ADAM18: variants seen among roughly 807,000 people sequenced by gnomAD.
ADAM18 encodes disintegrin and metalloproteinase domain-containing protein 18.
Under a neutral mutation model 94.4 loss-of-function variants are expected in ADAM18, and 117 were observed. That is an observed-to-expected ratio of 1.24 (90% CI 1.07 to 1.45). The LOEUF is 1.45. ADAM18 is among the 40% of genes most tolerant of loss of function. The probability of loss-of-function intolerance (pLI) is 0.00; values close to 1 mark genes in which losing one functional copy is unlikely to be tolerated. For missense variants in ADAM18, 936 were observed against 880.0 expected, an observed-to-expected ratio of 1.06 and a Z score of -0.81; for synonymous variants, 327 against 291.6, an observed-to-expected ratio of 1.12 and a Z score of -1.24.
intron 1 of ADAM18, 65 bp downstream of exon 1, chr8:39,584,742 G>A (rs1818346717): frequency 6.4e-7 from 1 of 1,563,000 alleles, no homozygotes; most frequent in African/African-American, 1.4e-5. Context: ...CTTACTGGGA[G>A]CAGTTTCTTG....
At chr8:39,618,086 A>G (rs1257945817) in intron 6 of ADAM18, among the ~76,000 whole-genome samples, 1 of 152,254 alleles carries the variant, frequency 6.6e-6, no homozygotes, top group East Asian at 1.9e-4. Context: ...ATAGACTGAA[A>G]GTAAATGGAT....
At chr8:39,597,028 A>G (rs1204871800) in intron 2 of ADAM18, among the ~76,000 whole-genome samples, 1 of 152,142 alleles carries the variant, frequency 6.6e-6, no homozygotes, top group Non-Finnish European at 1.5e-5. Context: ...CTCCCTGACT[A>G]TCAGGTCTCA....
intron 17 of ADAM18, among the ~76,000 whole-genome samples, chr8:39,703,467 C>G (rs916074404): frequency 2.0e-5 from 3 of 151,932 alleles, no homozygotes; most frequent in African/African-American, 7.3e-5. Flanking sequence ...ATTTTAATGC[C>G]TTTATTTCTT....
At chr8:39,640,137 G>A (rs1043232013) in intron 10 of ADAM18, among the ~76,000 whole-genome samples, 3 of 151,858 alleles carry the variant, frequency 2.0e-5, no homozygotes, top group African/African-American at 7.3e-5. Flanking sequence ...TAGATATTAA[G>A]CCCAACATCC....
intron 6 of ADAM18, among the ~76,000 whole-genome samples, chr8:39,621,426 A>G (rs1250817635): frequency 6.6e-6 from 1 of 151,872 alleles, no homozygotes; most frequent in Non-Finnish European, 1.5e-5. Context: ...TGAATGACAC[A>G]TGAGTTCCCT....
intron 14 of ADAM18, among the ~76,000 whole-genome samples, chr8:39,672,548 T>G (rs1204545016): frequency 6.6e-6 from 1 of 152,090 alleles, no homozygotes; most frequent in Non-Finnish European, 1.5e-5. Context: ...TTAAAGGAAA[T>G]GTATAAAAAT....
intron 14 of ADAM18, among the ~76,000 whole-genome samples, chr8:39,669,426 T>C (rs948132921): frequency 3.1e-4 from 47 of 150,636 alleles, no homozygotes; most frequent in Admixed American, 1.3e-4. Context: ...AACTCGTCAT[T>C]TAGCATTAGG....
intron 6 of ADAM18, among the ~76,000 whole-genome samples, chr8:39,626,752 C>T (rs981090696): frequency 5.9e-5 from 9 of 152,068 alleles, no homozygotes; most frequent in Admixed American, 6.6e-5. Context: ...TTTTACTCCA[C>T]TGTGTCTGAG....
intron 10 of ADAM18, among the ~76,000 whole-genome samples, chr8:39,639,997 T>C (rs1820191696): frequency 1.3e-5 from 2 of 152,124 alleles, no homozygotes; most frequent in African/African-American, 4.8e-5. Context: ...GTGAAAGTTA[T>C]ATGATAGACA....
Position 39,623,298 on chromosome 8 carries a change from G to A in ADAM18, c.523-6076G>A, listed in dbSNP as rs140982106. On this transcript the variant is annotated intron_variant, in intron 6 of 19. Coordinates refer to ENST00000265707, the MANE Select transcript of ADAM18 (RefSeq NM_014237.3). ...ATCTTTGAAATAATGAATTGTGCTG[G>A]AGTAAACATATGTGTGCAGAATTCT... is the stretch of plus-strand genomic sequence containing the variant. Among the ~76,000 whole-genome samples the A allele has an allele frequency of 6.5e-3, 996 of 152,248 alleles. 6 individuals carry two copies. Among genetic ancestry groups the A allele is most frequent in the Middle Eastern group, 0.034 (10 of 294 alleles).
At chr8:39,622,955 G>T (rs190138744) in intron 6 of ADAM18, among the ~76,000 whole-genome samples, 15 of 152,204 alleles carry the variant, frequency 9.9e-5, no homozygotes. Context: ...TGATGTCTGA[G>T]ATTTACTCCA....
intron 2 of ADAM18, chr8:39,605,661 T>C (rs1242384990): frequency 5.0e-6 from 1 of 198,912 alleles, no homozygotes; most frequent in East Asian, 1.6e-4. Flanking sequence ...AATGCTAAAA[T>C]GCTAAATATA....
chr8:39,701,768 C>T (rs1046046758), intron 17 of ADAM18, among the ~76,000 whole-genome samples: 6 of 152,096 alleles, frequency 3.9e-5, no homozygotes, highest in Middle Eastern at 3.2e-3. Context: ...TGTTTGTTTG[C>T]CAAGGATAAT....
chr8:39,690,591 T>C (rs1346442058), intron 16 of ADAM18, among the ~76,000 whole-genome samples: 2 of 152,204 alleles, frequency 1.3e-5, no homozygotes, highest in African/African-American at 2.4e-5. Flanking sequence ...AATTCATTAA[T>C]TACATTTGTA....
chr8:39,706,004 A>G (rs982263605), intron 17 of ADAM18, among the ~76,000 whole-genome samples: 2 of 152,142 alleles, frequency 1.3e-5, no homozygotes, highest in Admixed American at 6.6e-5. Flanking sequence ...ATGAAACACA[A>G]CATCTTTAGC....
intron 16 of ADAM18, among the ~76,000 whole-genome samples, chr8:39,686,804 T>C (rs1585980247): frequency 6.6e-6 from 1 of 152,236 alleles, no homozygotes; most frequent in Non-Finnish European, 1.5e-5. Flanking sequence ...CTCTGTGCAA[T>C]TGGAAGTTTC....
At chr8:39,680,986 T>C (rs978654680) in intron 16 of ADAM18, among the ~76,000 whole-genome samples, 9 of 152,224 alleles carry the variant, frequency 5.9e-5, no homozygotes, top group Non-Finnish European at 1.0e-4. Context: ...GGTAATCTGC[T>C]CCTGAAATGA....
intron 6 of ADAM18, among the ~76,000 whole-genome samples, chr8:39,621,331 A>C (rs972423227): frequency 6.6e-6 from 1 of 150,412 alleles, no homozygotes; most frequent in African/African-American, 2.4e-5. Context: ...ACACACACAC[A>C]CACACACACA....
chr8:39,706,092 GTACT>G (rs751159071), intron 17 of ADAM18, among the ~76,000 whole-genome samples: 71 of 152,152 alleles, frequency 4.7e-4, no homozygotes, highest in African/African-American at 1.4e-3. Context: ...TACAAAATAT[GTACT>G]TACTTGTTTT....
Sources: allele counts gnomAD v4.1 joint callset (sites outside exome capture counted in the v4.1 genomes callset), GRCh38; gene constraint gnomAD v4.1.1; transcripts MANE v1.5; gene names NCBI Gene and HGNC (gene_info 2026-07-23, HGNC 2026-07-21).